The following LOXHD1 variants were observed in gnomAD, a reference collection of about 807,000 sequenced individuals.
LOXHD1 encodes the protein lipoxygenase homology domain-containing protein 1.
LOXHD1 carries 205 observed loss-of-function variants against 248.2 expected under a neutral mutation model. That is an observed-to-expected ratio of 0.83 (90% confidence interval 0.74 to 0.93). LOXHD1 has a LOEUF of 0.93. LOXHD1 is among the 40% of genes least tolerant of loss of function. LOXHD1 has a pLI of 0.00. For synonymous variants in LOXHD1, 1,113 were observed against 1,162.8 expected (o/e 0.96, Z 0.87); for missense variants, 2,930 against 2,971.6 (o/e 0.99, Z 0.33).
chr18:46,655,713 T>G (rs1049194430), intron 1 of LOXHD1, among the ~76,000 whole-genome samples: 1 of 152,144 alleles, frequency 6.6e-6, no homozygotes, highest in African/African-American at 2.4e-5. Context: ...TGAGACTACC[T>G]CCTCTAAGCC....
chr18:46,483,002 A>G (rs1238834354), intron 40 of LOXHD1, among the ~76,000 whole-genome samples: 1 of 152,106 alleles, frequency 6.6e-6, no homozygotes, highest in Non-Finnish European at 1.5e-5. Context: ...AGGGGTTTTA[A>G]TTAGACAAAT....
chr18:46,554,868 C>T (rs922041939), intron 21 of LOXHD1, among the ~76,000 whole-genome samples: 3 of 151,876 alleles, frequency 2.0e-5, no homozygotes, highest in African/African-American at 4.8e-5. Context: ...AAAAGTGTAC[C>T]GGAGGGTAGC....
At chr18:46,622,255 G>T (rs2038678645) in intron 4 of LOXHD1, among the ~76,000 whole-genome samples, 1 of 152,160 alleles carries the variant, frequency 6.6e-6, no homozygotes, top group Admixed American at 6.5e-5. Flanking sequence ...TGCTGTTGTG[G>T]CATGAAAGCA....
Position 46,631,242 on chromosome 18 carries a change from G to A in LOXHD1, c.511+8374C>T, listed in dbSNP as rs181773960. Among the ~76,000 whole-genome samples, 5 of 152,208 alleles carry A rather than the reference G, an allele frequency of 3.3e-5. No homozygotes were observed. The East Asian group carries it at 9.7e-4, about 29-fold the overall frequency. On this transcript the variant is annotated intron_variant, in intron 4 of 40. Transcript: ENST00000642948. The stretch of plus-strand genomic sequence containing the variant: ...GAGAAACTGGAGAGATACACATTAG[G>A]AAGTTAGAGCCCTGAAATATGGTAT...
chr18:46,503,222 A>T (rs1206624408), intron 37 of LOXHD1, among the ~76,000 whole-genome samples: 2 of 152,232 alleles, frequency 1.3e-5, no homozygotes, highest in Non-Finnish European at 2.9e-5. Context: ...TAAGGCAGGG[A>T]CATAGTTCTT....
rs775431645 is a variant in LOXHD1, at chr18:46,639,745, C to G, written c.382G>C (p.Val128Leu). Residue 128 changes from valine (V) to leucine (L), a missense_variant, in exon 4 of 41, where the codon GTG (valine) becomes CTG (leucine). Physicochemically the swap from Val to Leu is conservative, Grantham distance 32. Coordinates refer to ENST00000642948, the MANE Select transcript of LOXHD1 (RefSeq NM_001384474.1). ...NASWYLDHVIVTDMKRPHLRY... is the reference protein window; with the variant it reads ...NASWYLDHVILTDMKRPHLRY... Reference sequence around the variant, plus strand: ...AGATGAGGCCTCTTCATGTCGGTCACAATCACATGGTCCAGGTACCAGCTG... The same window carrying G: ...AGATGAGGCCTCTTCATGTCGGTCAGAATCACATGGTCCAGGTACCAGCTG... 1.9e-6 allele frequency: 3 copies of G among 1,551,594 alleles called. No individual in the cohort carries two copies. The African/African-American group carries it at 4.1e-5, about 21-fold the overall frequency.
At chr18:46,586,467 A>C (rs773328538) in intron 12 of LOXHD1, among the ~76,000 whole-genome samples, 13 of 152,158 alleles carry the variant, frequency 8.5e-5, no homozygotes, top group Non-Finnish European at 1.3e-4. Context: ...GTTTCTGAGA[A>C]GGAATTTTGT....
Position 46,657,047 on chromosome 18 carries a change from T to C in LOXHD1, c.-14A>G. The C allele has an allele frequency of 6.4e-7, 1 of 1,551,586 alleles. No individual in the cohort carries two copies. Among genetic ancestry groups the C allele is most frequent in the Non-Finnish European group, 8.7e-7 (1 of 1,146,902 alleles). On this transcript the variant is annotated 5_prime_UTR_variant, in exon 1 of 41. Coordinates refer to ENST00000642948, the MANE Select transcript of LOXHD1 (RefSeq NM_001384474.1). ...CTGGGGCATCATTCTGTCGGCTGCCTTCTCCCAGCGCTCGCAGGCTCACTG... is the reference window on the plus strand; with the variant it reads ...CTGGGGCATCATTCTGTCGGCTGCCCTCTCCCAGCGCTCGCAGGCTCACTG...
intron 6 of LOXHD1, among the ~76,000 whole-genome samples, chr18:46,604,641 G>C (rs1478331327): frequency 6.6e-6 from 1 of 152,186 alleles, no homozygotes; most frequent in Non-Finnish European, 1.5e-5. Context: ...CAGAGCCCAG[G>C]CAAGGGGAAC....
At chr18:46,528,002 C>T (rs542695844) in intron 29 of LOXHD1, among the ~76,000 whole-genome samples, 12 of 152,306 alleles carry the variant, frequency 7.9e-5, no homozygotes, top group East Asian at 1.9e-4. Context: ...CTCTGACTCA[C>T]GGGGTCACCA....
intron 12 of LOXHD1, among the ~76,000 whole-genome samples, chr18:46,583,053 G>A (rs1446126935): frequency 6.6e-6 from 1 of 152,130 alleles, no homozygotes; most frequent in Non-Finnish European, 1.5e-5. Context: ...CACAGAGATT[G>A]GCAAAATGGA....
At chr18:46,585,026 A>G (rs910702836) in intron 12 of LOXHD1, among the ~76,000 whole-genome samples, 2 of 152,130 alleles carry the variant, frequency 1.3e-5, no homozygotes, top group African/African-American at 4.8e-5. Flanking sequence ...TTTCATGATT[A>G]AAAAAACCCA....
chr18:46,654,101 C>A (rs1277610753), intron 1 of LOXHD1, among the ~76,000 whole-genome samples: 1 of 152,068 alleles, frequency 6.6e-6, no homozygotes, highest in Admixed American at 6.5e-5. Flanking sequence ...GATTGGGTGC[C>A]GTTATAAAGG....
At chr18:46,532,867 A>C (rs181165160) in intron 28 of LOXHD1, among the ~76,000 whole-genome samples, 144 of 152,382 alleles carry the variant, frequency 9.4e-4, no homozygotes, top group Non-Finnish European at 2.9e-5. Context: ...AACCAGGAAC[A>C]GGATTCCCGT....
At chr18:46,559,409 C>A (rs1426056856) in intron 20 of LOXHD1, 39 bp downstream of exon 20, 1 of 1,551,748 alleles carries the variant, frequency 6.4e-7, no homozygotes, top group Non-Finnish European at 8.7e-7. Flanking sequence ...GGCACCAAAC[C>A]CACAGCCCCC....
At chr18:46,618,327 G>C (rs1179159449) in intron 4 of LOXHD1, 37 bp from the exon 5 acceptor site, 3 of 1,437,244 alleles carry the variant, frequency 2.1e-6, no homozygotes, top group African/African-American at 1.6e-5. Context: ...TAGCTCATCA[G>C]GATCCTGAAA....
chr18:46,498,452 A>G (rs2034015471), intron 37 of LOXHD1, among the ~76,000 whole-genome samples: 1 of 152,222 alleles, frequency 6.6e-6, no homozygotes, highest in Non-Finnish European at 1.5e-5. Flanking sequence ...TGGCTCAAAT[A>G]ACAGAAATTT....
chr18:46,580,607 A>G (rs1224135245), intron 12 of LOXHD1, among the ~76,000 whole-genome samples: 1 of 152,244 alleles, frequency 6.6e-6, no homozygotes, highest in Non-Finnish European at 1.5e-5. Flanking sequence ...CATTAACAGT[A>G]CAGGAATTCT....
chr18:46,484,870 G>T, intron 39 of LOXHD1, 149 bp downstream of exon 39: 1 of 958,098 alleles, frequency 1.0e-6, no homozygotes, highest in Non-Finnish European at 1.5e-6. Context: ...CTGGGTGCTT[G>T]CACAGGATTG....
Sources: allele counts gnomAD v4.1 joint callset (sites outside exome capture counted in the v4.1 genomes callset), GRCh38; gene constraint gnomAD v4.1.1; transcripts MANE v1.5; gene names NCBI Gene and HGNC (gene_info 2026-07-23, HGNC 2026-07-21).